The following PBX1 variants were observed in gnomAD, a reference collection of about 807,000 sequenced individuals.
The protein encoded by PBX1 is PBX homeobox 1.
A neutral mutation model predicts 53.4 loss-of-function variants in PBX1; 6 were observed. The ratio of observed to expected loss-of-function variants is 0.11; its 90% CI spans 0.06 to 0.22. The LOEUF is 0.22. PBX1 is among the 10% of genes least tolerant of loss of function. The pLI, the probability that PBX1 is intolerant of heterozygous loss-of-function variation, is 1.00. For synonymous variants in PBX1, 204 were observed against 212.3 expected (o/e 0.96, Z 0.34); for missense variants, 251 against 551.4 (o/e 0.46, Z 5.46).
At chr1:164,863,990 C>T (rs1454472625) in intron 2 of PBX1, among the ~76,000 whole-genome samples, 1 of 152,148 alleles carries the variant, frequency 6.6e-6, no homozygotes, top group Non-Finnish European at 1.5e-5. Context: ...TGTTTAAAAG[C>T]AGGGATAATA....
At chr1:164,650,536 C>G (rs1224016021) in intron 2 of PBX1, among the ~76,000 whole-genome samples, 1 of 152,096 alleles carries the variant, frequency 6.6e-6, no homozygotes, top group Non-Finnish European at 1.5e-5. Context: ...ATCGTTGCTA[C>G]TTTCTATTGG....
At chr1:164,627,914 A>C (rs987977393) in intron 2 of PBX1, among the ~76,000 whole-genome samples, 1 of 152,170 alleles carries the variant, frequency 6.6e-6, no homozygotes. Context: ...GTTCTCTGCT[A>C]TGACCGTATA....
Position 164,783,641 on chromosome 1 carries a change from G to A in PBX1, c.266-8853G>A, listed in dbSNP as rs138790873. ...TAAAAATAACCTTATTTAATCCTTA[G>A]TAAGAATTAAGGCATAGGTGAAGTC... On this transcript the variant is annotated intron_variant, in intron 2 of 8. Transcript: ENST00000420696. Among the ~76,000 whole-genome samples, 434 of 152,252 alleles carry A rather than the reference G, an allele frequency of 2.9e-3. 1 individual carries two copies. Among genetic ancestry groups the A allele is most frequent in the Non-Finnish European group, 4.8e-3 (326 of 68,014 alleles).
chr1:164,716,729 C>G (rs796727414), intron 2 of PBX1, among the ~76,000 whole-genome samples: 19 of 140,368 alleles, frequency 1.4e-4, no homozygotes, highest in African/African-American at 4.4e-4. Context: ...CACACACACA[C>G]AGAAATACAC....
chr1:164,771,970 A>G (rs1667395830), intron 2 of PBX1, among the ~76,000 whole-genome samples: 1 of 152,216 alleles, frequency 6.6e-6, no homozygotes, highest in Non-Finnish European at 1.5e-5. Flanking sequence ...TTGTAAGGGA[A>G]GATAGAGCTG....
At chr1:164,804,336 T>C (rs1230418432) in intron 4 of PBX1, among the ~76,000 whole-genome samples, 2 of 152,216 alleles carry the variant, frequency 1.3e-5, no homozygotes, top group African/African-American at 4.8e-5. Flanking sequence ...ATGTTTTTGA[T>C]GGTGTCCCCA....
intron 2 of PBX1, among the ~76,000 whole-genome samples, chr1:164,690,783 A>G (rs528003440): frequency 2.6e-5 from 4 of 151,638 alleles, no homozygotes; most frequent in Non-Finnish European, 5.9e-5. Flanking sequence ...CCAATATTCA[A>G]TATATGTTAA....
At chr1:164,817,795 C>G (rs944035780) in intron 6 of PBX1, 3 of 152,168 alleles carry the variant, frequency 2.0e-5, no homozygotes, top group Non-Finnish European at 2.9e-5. Flanking sequence ...GGGGGTTTCT[C>G]CCATTTCTAA....
chr1:164,870,210 T>TTCTTTTCCTTCC lies in PBX1; in HGVS notation n.258-28977_258-28976insCTTTTCCTTCCT, dbSNP rs1180229062. On this transcript the variant is annotated intron_variant and non_coding_transcript_variant, in intron 2 of 2. Transcript: ENST00000558796. ...CTATTGACTTTCTTTCTTTCTTTCTTTTCTTTCTTTCCTTCCTTCCTTCCT... is the reference window on the plus strand; with the variant it reads ...CTATTGACTTTCTTTCTTTCTTTCTTTCTTTTCCTTCCTTCTTTCTTTCCTTCCTTCCTTCCT... Among the ~76,000 whole-genome samples, 47 of 64,510 alleles carry TTCTTTTCCTTCC rather than the reference T, an allele frequency of 7.3e-4. 2 individuals carry two copies. The highest frequency in any genetic ancestry group is 2.2e-3 in the Admixed American group (10 of 4,598). 42.3% of individuals were successfully genotyped at this position (64,510 alleles called of 152,430 possible).
chr1:164,786,720 T>TGTGCGCGCGCGCGC (rs1357886882), intron 2 of PBX1, among the ~76,000 whole-genome samples: 89 of 116,276 alleles, frequency 7.7e-4, no homozygotes, highest in African/African-American at 3.1e-3. Context: ...TGTGTGTGTG[T>TGTGCGCGCGCGCGC]GCGCGCGCAC....
chr1:164,867,291 C>T (rs1199223344), intron 2 of PBX1, among the ~76,000 whole-genome samples: 5 of 152,176 alleles, frequency 3.3e-5, no homozygotes, highest in Non-Finnish European at 4.4e-5. Context: ...GCCCGACACA[C>T]GGCAGTTGTT....
intron 2 of PBX1, among the ~76,000 whole-genome samples, chr1:164,757,609 T>C (rs1385193112): frequency 6.6e-6 from 1 of 152,240 alleles, no homozygotes; most frequent in African/African-American, 2.4e-5. Flanking sequence ...GTCTAGCCAA[T>C]GAAGTCAGTG....
At chr1:164,773,968 C>T (rs16834697) in intron 2 of PBX1, among the ~76,000 whole-genome samples, 1,683 of 152,200 alleles carry the variant, frequency 0.011, 30 homozygotes, top group African/African-American at 0.039. Context: ...AATTTTTTAA[C>T]GTGATATCCA....
In PBX1 at chr1:164,593,221, G is replaced by A. The variant is rs921410370; in HGVS notation, c.265+29910G>A. 2.0e-5 allele frequency among the ~76,000 whole-genome samples: 3 copies of A among 152,148 alleles called. No individual in the cohort carries two copies. The East Asian group carries it at 5.8e-4, about 29-fold the overall frequency. The stretch of plus-strand genomic sequence containing the variant: ...GATCTGCCTGCCTCGGCCTTGCAAA[G>A]TGCGGGAATAACAGGCATGAGCCAC... On this transcript the variant is annotated intron_variant, in intron 2 of 8. Transcript: ENST00000420696.
At chr1:164,785,723 A>G (rs904024530) in intron 2 of PBX1, among the ~76,000 whole-genome samples, 2 of 152,158 alleles carry the variant, frequency 1.3e-5, no homozygotes, top group East Asian at 3.9e-4. Context: ...GTACTTGAGC[A>G]GTAATTTGTT....
At chr1:164,776,975 GAGAGGAGGT>G (rs1667697842) in intron 2 of PBX1, among the ~76,000 whole-genome samples, 1 of 108,322 alleles carries the variant, frequency 9.2e-6, no homozygotes, top group African/African-American at 4.6e-5. Flanking sequence ...GAGAGAGAGA[GAGAGGAGGT>G]GTGGGGGGGC....
At chr1:164,670,742 GGAAAAA>G (rs113339421) in intron 2 of PBX1, among the ~76,000 whole-genome samples, 4,609 of 152,218 alleles carry the variant, frequency 0.03, 106 homozygotes, top group South Asian at 0.056. Context: ...AGCAGAGAGA[GGAAAAA>G]GAAAGTGATA....
At chr1:164,745,396 A>G (rs916109667) in intron 2 of PBX1, among the ~76,000 whole-genome samples, 7 of 152,202 alleles carry the variant, frequency 4.6e-5, no homozygotes, top group African/African-American at 1.2e-4. Flanking sequence ...AGTTTTATCT[A>G]TAACTACATT....
intron 2 of PBX1, among the ~76,000 whole-genome samples, chr1:164,686,967 C>CA (rs1011196847): frequency 1.3e-5 from 2 of 149,674 alleles, no homozygotes; most frequent in African/African-American, 4.9e-5. Context: ...AAAAAAAAAA[C>CA]CAAAAAAACG....
Sources: gnomAD v4.1 joint callset for allele counts (sites outside exome capture counted in the v4.1 genomes callset) on GRCh38, gnomAD v4.1.1 for gene constraint, MANE v1.5 for transcripts, NCBI Gene and HGNC (gene_info 2026-07-23, HGNC 2026-07-21) for gene names.